The following WDR49 variants were observed in gnomAD, a reference collection of about 807,000 sequenced individuals.
WDR49 encodes WD repeat domain 49.
WDR49 carries 107 observed loss-of-function variants against 119.5 expected under a neutral mutation model. The observed-to-expected ratio is 0.90, with a 90% confidence interval of 0.77 to 1.05. The LOEUF is 1.05. Among genes scored for constraint, WDR49 ranks in the 50% least tolerant of loss-of-function variants. The pLI, the probability that WDR49 is intolerant of heterozygous loss-of-function variation, is 0.00. For synonymous variants in WDR49, 425 were observed against 418.8 expected, an observed-to-expected ratio of 1.01 and a Z score of -0.18; for missense variants, 1,240 against 1,220.5, an observed-to-expected ratio of 1.02 and a Z score of -0.24.
chr3:167,575,717 G>A (rs1292845274), intron 8 of WDR49, among the ~76,000 whole-genome samples: 4 of 152,196 alleles, frequency 2.6e-5, no homozygotes, highest in African/African-American at 9.7e-5. Flanking sequence ...TGCTCCTGTG[G>A]TCACTGGCTG....
At position 167,626,966 on chromosome 3, in the gene WDR49, C is replaced by T; in HGVS notation, c.492G>A (p.Leu164=). 1 of 1,335,660 alleles carries T rather than the reference C, an allele frequency of 7.5e-7. No individual in the cohort carries two copies. The highest frequency in any genetic ancestry group is 9.6e-7 in the Non-Finnish European group (1 of 1,044,674). The allele number at this position is 1,335,660 out of a possible 1,614,324, so 82.7% of individuals were successfully genotyped here. Residue 164 remains leucine (L), a synonymous_variant, in exon 3 of 19, where the codon TTG becomes TTA. Coordinates refer to ENST00000682715, the MANE Select transcript of WDR49 (RefSeq NM_001366157.1). Reference sequence around the variant, plus strand: ...GCTTTAAATGCTCTCCCCAGATTGCCAATAAACCTTCTTTACTAATTGTCA... The same window carrying T: ...GCTTTAAATGCTCTCCCCAGATTGCTAATAAACCTTCTTTACTAATTGTCA... ...HYLTISKEGL[L]AIWGEHLKLQ...
chr3:167,597,233 A>G (rs990813839), intron 7 of WDR49, among the ~76,000 whole-genome samples: 20 of 152,204 alleles, frequency 1.3e-4, no homozygotes, highest in Non-Finnish European at 2.8e-4. Flanking sequence ...GGGCCAAGGT[A>G]CAGCTAGGGC....
intron 5 of WDR49, among the ~76,000 whole-genome samples, chr3:167,608,799 G>C (rs1716185957): frequency 6.6e-6 from 1 of 151,958 alleles, no homozygotes; most frequent in South Asian, 2.1e-4. Context: ...TTTTGGAATT[G>C]GTAGAGGAAA....
chr3:167,622,132 T>G (rs1237254989), intron 3 of WDR49, among the ~76,000 whole-genome samples: 1 of 152,076 alleles, frequency 6.6e-6, no homozygotes, highest in Non-Finnish European at 1.5e-5. Flanking sequence ...AATAAGTCAA[T>G]AGAAAATGTC....
chr3:167,581,204 A>C (rs1185593565), intron 7 of WDR49, among the ~76,000 whole-genome samples: 1 of 152,118 alleles, frequency 6.6e-6, no homozygotes, highest in African/African-American at 2.4e-5. Flanking sequence ...TGATAATGAC[A>C]TTTTCTTGCA....
chr3:167,532,813 G>T, intron 12 of WDR49, 66 bp downstream of exon 12: 1 of 1,127,602 alleles, frequency 8.9e-7, no homozygotes, highest in Non-Finnish European at 1.3e-6. Flanking sequence ...TCAGGCACAT[G>T]CATGAACAAC....
chr3:167,516,122 C>T (rs2108225469), intron 16 of WDR49, among the ~76,000 whole-genome samples: 1 of 152,096 alleles, frequency 6.6e-6, no homozygotes, highest in East Asian at 1.9e-4. Context: ...TTTTATTATA[C>T]TTTAAGTTTT....
chr3:167,623,849 C>T (rs932056914), intron 3 of WDR49, among the ~76,000 whole-genome samples: 9 of 151,924 alleles, frequency 5.9e-5, no homozygotes, highest in African/African-American at 2.2e-4. Flanking sequence ...TAACACATGA[C>T]TTCAGAAAGA....
chr3:167,482,206 C>T (rs1329648141), intron 18 of WDR49, among the ~76,000 whole-genome samples: 1 of 151,932 alleles, frequency 6.6e-6, no homozygotes, highest in Non-Finnish European at 1.5e-5. Context: ...ATGACCAACA[C>T]CAGAAAAGAG....
intron 7 of WDR49, among the ~76,000 whole-genome samples, chr3:167,593,356 T>C (rs1219120757): frequency 6.6e-6 from 1 of 151,778 alleles, no homozygotes; most frequent in Non-Finnish European, 1.5e-5. Context: ...AGCTCACTAA[T>C]TCCTTCTTCT....
chr3:167,593,853 C>T (rs779070362), intron 7 of WDR49, among the ~76,000 whole-genome samples: 6 of 152,050 alleles, frequency 3.9e-5, no homozygotes, highest in Non-Finnish European at 8.8e-5. Context: ...GAGGTTCCCC[C>T]ATGCTGTTCT....
At chr3:167,592,201 C>T (rs1361434226) in intron 7 of WDR49, among the ~76,000 whole-genome samples, 1 of 152,046 alleles carries the variant, frequency 6.6e-6, no homozygotes, top group Non-Finnish European at 1.5e-5. Flanking sequence ...GACCCTATAC[C>T]TTAACTTCAT....
At chr3:167,543,774 C>T (rs2108255624) in intron 10 of WDR49, among the ~76,000 whole-genome samples, 1 of 152,046 alleles carries the variant, frequency 6.6e-6, no homozygotes, top group Middle Eastern at 3.4e-3. Flanking sequence ...CAACATAGTA[C>T]TGGAAGTCCT....
At chr3:167,498,545 A>T (rs924387533) in intron 18 of WDR49, among the ~76,000 whole-genome samples, 3 of 152,096 alleles carry the variant, frequency 2.0e-5, no homozygotes, top group Admixed American at 6.6e-5. Context: ...AGCCTGGGAC[A>T]AAGTTTCTCT....
intron 5 of WDR49, among the ~76,000 whole-genome samples, chr3:167,618,897 G>T (rs1199452843): frequency 6.6e-6 from 1 of 152,108 alleles, no homozygotes; most frequent in Non-Finnish European, 1.5e-5. Context: ...TCACTGATAG[G>T]TTACTTCATT....
At chr3:167,543,523 G>T (rs944747426) in intron 10 of WDR49, among the ~76,000 whole-genome samples, 4 of 151,968 alleles carry the variant, frequency 2.6e-5, no homozygotes, top group Admixed American at 2.0e-4. Flanking sequence ...CACATAAACA[G>T]AATTAAAAAT....
chr3:167,554,199 C>T (rs1712770792), intron 10 of WDR49, among the ~76,000 whole-genome samples: 1 of 152,004 alleles, frequency 6.6e-6, no homozygotes, highest in Non-Finnish European at 1.5e-5. Flanking sequence ...AGAGTAAGTG[C>T]CTTTCGAAAG....
rs201677743 is a variant in WDR49, at chr3:167,480,457, CT to C, written c.3032-1462del. Among the ~76,000 whole-genome samples the C allele has an allele frequency of 5.5e-3, 835 of 152,164 alleles. 7 individuals are homozygous for C. Among genetic ancestry groups the C allele is most frequent in the African/African-American group, 0.018 (750 of 41,510 alleles). ...GAATGACTTTACAGTATAGTGGCAT[CT>C]TTATATATTTGGATTAAACACAAAA... On this transcript the variant is annotated intron_variant, in intron 18 of 18. Transcript: ENST00000682715.
At position 167,626,964 on chromosome 3, in the gene WDR49, G is replaced by T; in HGVS notation, c.494C>A (p.Ala165Glu). The T allele has an allele frequency of 7.5e-7, 1 of 1,334,590 alleles. No individual in the cohort carries two copies. The highest frequency in any genetic ancestry group is 9.6e-7 in the Non-Finnish European group (1 of 1,043,988). The allele number at this position is 1,334,590 out of a possible 1,614,324, so 82.7% of individuals were successfully genotyped here. A position where few individuals can be genotyped will look rare whatever the true frequency, so the allele number is the denominator to read the frequency against. Residue 165 changes from alanine to glutamate, a missense_variant, in exon 3 of 19, where the codon GCA becomes GAA. Coordinates refer to ENST00000682715, the MANE Select transcript of WDR49 (RefSeq NM_001366157.1). ...YLTISKEGLL[A>E]IWGEHLKLQE... is the part of the protein sequence containing the mutation. ...CAGCTTTAAATGCTCTCCCCAGATT[G>T]CCAATAAACCTTCTTTACTAATTGT...
Sources: gnomAD v4.1 joint callset for allele counts (sites outside exome capture counted in the v4.1 genomes callset) on GRCh38, gnomAD v4.1.1 for gene constraint, MANE v1.5 for transcripts, NCBI Gene and HGNC (gene_info 2026-07-23, HGNC 2026-07-21) for gene names.